UBL3: variants seen among roughly 807,000 people sequenced by gnomAD.
UBL3 encodes ubiquitin like 3, also known as ubiquitin-like protein 3.
In UBL3, 6 loss-of-function variants were observed where a neutral mutation model predicts 18.4. The observed-to-expected ratio is 0.33, with a 90% CI of 0.18 to 0.64. The LOEUF (loss-of-function observed/expected upper bound fraction) is 0.64. UBL3 is among the 30% of genes least tolerant of loss of function. UBL3 has a pLI of 0.76. For missense variants in UBL3, 109 were observed against 142.9 expected (o/e 0.76, Z 1.21); for synonymous variants, 49 against 46.6 (o/e 1.05, Z -0.21).
intron 1 of UBL3, among the ~76,000 whole-genome samples, chr13:29,848,518 TCAG>T (rs1443687523): frequency 1.3e-5 from 2 of 152,100 alleles, no homozygotes; most frequent in Non-Finnish European, 2.9e-5. Flanking sequence ...AATTTAATCA[TCAG>T]CAAAGTTCAA....
At chr13:29,828,232 C>T (rs1251175505) in intron 1 of UBL3, among the ~76,000 whole-genome samples, 3 of 152,142 alleles carry the variant, frequency 2.0e-5, no homozygotes, top group African/African-American at 7.2e-5. Flanking sequence ...GCCTGCATTG[C>T]TAGGTTGGGG....
At chr13:29,782,023 A>G (rs908891811) in intron 1 of UBL3, among the ~76,000 whole-genome samples, 1 of 151,726 alleles carries the variant, frequency 6.6e-6, no homozygotes, top group Non-Finnish European at 1.5e-5. Context: ...AATAAAATAA[A>G]CATAAATCAA....
intron 1 of UBL3, among the ~76,000 whole-genome samples, chr13:29,835,118 ATATATAAATATATATATATATATAT>A (rs1878903541): frequency 7.6e-5 from 2 of 26,268 alleles, no homozygotes; most frequent in African/African-American, 7.2e-4. Context: ...ATATATATAT[ATATATAAATATATATATATATATAT>A]ATATATATAT....
intron 1 of UBL3, among the ~76,000 whole-genome samples, chr13:29,827,220 G>T (rs889570911): frequency 2.0e-5 from 3 of 152,184 alleles, no homozygotes; most frequent in East Asian, 3.8e-4. Flanking sequence ...GCAGAGCTGA[G>T]TTCAATTCCT....
chr13:29,778,452 G>A (rs1044748157), intron 1 of UBL3, among the ~76,000 whole-genome samples: 9 of 152,150 alleles, frequency 5.9e-5, no homozygotes, highest in Non-Finnish European at 1.3e-4. Context: ...GAGTAAGTAA[G>A]ATCCTACTAA....
intron 1 of UBL3, among the ~76,000 whole-genome samples, chr13:29,784,780 T>C (rs1877265648): frequency 6.6e-6 from 1 of 152,108 alleles, no homozygotes; most frequent in Non-Finnish European, 1.5e-5. Flanking sequence ...TTGGCTGTAG[T>C]AGTTGGTACA....
intron 1 of UBL3, among the ~76,000 whole-genome samples, chr13:29,810,469 A>G (rs993331550): frequency 6.6e-6 from 1 of 152,092 alleles, no homozygotes; most frequent in Non-Finnish European, 1.5e-5. Flanking sequence ...AAAATCATGT[A>G]TATGGGGTCA....
intron 1 of UBL3, among the ~76,000 whole-genome samples, chr13:29,808,028 T>C (rs1448367818): frequency 2.0e-5 from 3 of 152,196 alleles, no homozygotes; most frequent in South Asian, 4.1e-4. Context: ...ACAGCTTTCA[T>C]AGTGCTTCTA....
At chr13:29,808,874 C>T (rs1005865128) in intron 1 of UBL3, among the ~76,000 whole-genome samples, 2 of 151,692 alleles carry the variant, frequency 1.3e-5, no homozygotes, top group African/African-American at 2.4e-5. Context: ...CCCGTTGTGC[C>T]CAGGTATAAA....
chr13:29,826,890 G>T (rs546872911), intron 1 of UBL3, among the ~76,000 whole-genome samples: 9 of 152,112 alleles, frequency 5.9e-5, no homozygotes, highest in Non-Finnish European at 1.0e-4. Context: ...TTGTGTCTTT[G>T]TTCTCATGGG....
chr13:29,814,138 A>G (rs1297830607), intron 1 of UBL3, among the ~76,000 whole-genome samples: 1 of 152,076 alleles, frequency 6.6e-6, no homozygotes, highest in Non-Finnish European at 1.5e-5. Flanking sequence ...CTTTTTTTTA[A>G]AGAGTATCTA....
chr13:29,798,591 T>G (rs1877676585), intron 1 of UBL3, among the ~76,000 whole-genome samples: 1 of 152,204 alleles, frequency 6.6e-6, no homozygotes, highest in South Asian at 2.1e-4. Context: ...TCTACAAATT[T>G]TTCACAGCAT....
At chr13:29,799,909 T>C (rs1156891823) in intron 1 of UBL3, among the ~76,000 whole-genome samples, 2 of 151,188 alleles carry the variant, frequency 1.3e-5, no homozygotes, top group African/African-American at 4.9e-5. Context: ...AGTCCAAGTA[T>C]CAAAGGACAA....
At chr13:29,830,153 T>C (rs1406315086) in intron 1 of UBL3, among the ~76,000 whole-genome samples, 1 of 152,184 alleles carries the variant, frequency 6.6e-6, no homozygotes, top group African/African-American at 2.4e-5. Flanking sequence ...TGCTATCCCT[T>C]TTGTCCATCC....
In UBL3 at chr13:29,766,914, CTTG is replaced by C. The variant is rs1876702510; in HGVS notation, c.*338_*340del. ...TTTAATGCAAATTGTATTTGGAACA[CTTG>C]ATTTATTAGTTCTGATGATGAAAAT... On this transcript the variant is annotated 3_prime_UTR_variant, in exon 5 of 5. Coordinates refer to ENST00000380680, the MANE Select transcript of UBL3 (RefSeq NM_007106.4). The C allele has an allele frequency of 6.4e-5, 12 of 188,392 alleles. No individual in the cohort carries two copies. Among genetic ancestry groups the C allele is most frequent in the Non-Finnish European group, 1.2e-4 (11 of 92,200 alleles). The allele number at this position is 188,392 out of a possible 1,614,324, so 11.7% of individuals were successfully genotyped here. A position where few individuals can be genotyped will look rare whatever the true frequency, so the allele number is the denominator to read the frequency against.
chr13:29,790,518 T>C (rs993173831), intron 1 of UBL3, among the ~76,000 whole-genome samples: 3 of 152,198 alleles, frequency 2.0e-5, no homozygotes, highest in African/African-American at 7.2e-5. Flanking sequence ...CTTTCCTCAT[T>C]AGGTTCCTAT....
intron 1 of UBL3, among the ~76,000 whole-genome samples, chr13:29,788,963 A>G (rs1250892130): frequency 1.3e-5 from 2 of 150,624 alleles, no homozygotes; most frequent in Admixed American, 6.6e-5. Flanking sequence ...GTAACGGCGC[A>G]ATCTCGGCTC....
rs566210333 is a variant in UBL3 at position 29,797,621 on chromosome 13, T to G, written c.28-20358A>C. On this transcript the variant is annotated intron_variant, in intron 1 of 4. Transcript: ENST00000380680. Reference sequence around the variant, plus strand: ...ACATGCATTTGGGAGGCACATTACGTAAGTGTTGATTTACCTTTTATGACT... The same window carrying G: ...ACATGCATTTGGGAGGCACATTACGGAAGTGTTGATTTACCTTTTATGACT... Among the ~76,000 whole-genome samples the G allele has an allele frequency of 4.6e-5, 7 of 152,308 alleles. No homozygotes were observed. In the East Asian group the frequency reaches 1.3e-3, roughly 29 times the overall value.
At chr13:29,786,960 A>ACTTG (rs762258325) in intron 1 of UBL3, among the ~76,000 whole-genome samples, 27 of 152,174 alleles carry the variant, frequency 1.8e-4, no homozygotes, top group Non-Finnish European at 2.6e-4. Flanking sequence ...TGGAATGTGA[A>ACTTG]CTTGCAGAAT....
Sources: gnomAD v4.1 joint callset for allele counts (sites outside exome capture counted in the v4.1 genomes callset) on GRCh38, gnomAD v4.1.1 for gene constraint, MANE v1.5 for transcripts, NCBI Gene and HGNC (gene_info 2026-07-23, HGNC 2026-07-21) for gene names.